Variants in ZBTB7C observed in about 807,000 individuals in gnomAD.
ZBTB7C encodes the protein zinc finger and BTB domain containing 7C.
In ZBTB7C, 8 loss-of-function variants were observed where a neutral mutation model predicts 25.7. The observed-to-expected ratio is 0.31, with a 90% CI of 0.18 to 0.56. ZBTB7C has a LOEUF of 0.56. ZBTB7C is among the 20% of genes least tolerant of loss of function. The pLI, the probability that ZBTB7C is intolerant of heterozygous loss-of-function variation, is 0.91. For synonymous variants in ZBTB7C, 394 were observed against 369.0 expected (o/e 1.07, Z -0.78); for missense variants, 824 against 855.2 (o/e 0.96, Z 0.46).
In ZBTB7C at chr18:48,040,593, G is replaced by C. The variant is rs377491621; in HGVS notation, c.515C>G (p.Ala172Gly). 3.5e-5 allele frequency: 56 copies of C among 1,613,800 alleles called. No homozygotes were observed. In the South Asian group the frequency reaches 5.6e-4, roughly 16 times the overall value. ...EDDDDDTEDF[A>G]DQENLPDPQD... ...GGGGTCAGGCAAGTTTTCTTGGTCA[G>C]CAAAGTCCTCCGTGTCATCATCGTC... is the stretch of plus-strand genomic sequence containing the variant. Residue 172 changes from alanine (A) to glycine (G), a missense_variant, in exon 4 of 5, where the codon GCT becomes GGT. Physicochemically the swap from Ala to Gly is moderately conservative, Grantham distance 60. Coordinates refer to ENST00000590800, the MANE Select transcript of ZBTB7C (RefSeq NM_001318841.2).
In ZBTB7C at chr18:48,164,457, TACTC is replaced by T. The variant is rs1182136794; in HGVS notation, c.-17+21473_-17+21476del. Among the ~76,000 whole-genome samples the T allele has an allele frequency of 5.9e-5, 9 of 152,298 alleles. No individual in the cohort carries two copies. In the South Asian group the frequency reaches 1.7e-3, roughly 28 times the overall value. ...ATACACACAGTCACAACACCACTCA[TACTC>T]ACACACATACATATGTATACACAAA... On this transcript the variant is annotated intron_variant, in intron 3 of 4. Coordinates refer to ENST00000590800, the MANE Select transcript of ZBTB7C (RefSeq NM_001318841.2).
intron 3 of ZBTB7C, among the ~76,000 whole-genome samples, chr18:48,176,760 T>A (rs1310830834): frequency 6.6e-6 from 1 of 152,260 alleles, no homozygotes; most frequent in Non-Finnish European, 1.5e-5. Context: ...CTCTGTAATT[T>A]AAAATTTTTC....
At chr18:48,097,903 AG>A (rs2038697791) in intron 3 of ZBTB7C, among the ~76,000 whole-genome samples, 1 of 151,740 alleles carries the variant, frequency 6.6e-6, no homozygotes. Flanking sequence ...TACTTACAAA[AG>A]CATCTTCACT....
intron 3 of ZBTB7C, among the ~76,000 whole-genome samples, chr18:48,080,748 C>T (rs1189523582): frequency 6.6e-6 from 1 of 152,194 alleles, no homozygotes; most frequent in Non-Finnish European, 1.5e-5. Context: ...CACAGTGAGG[C>T]CTGGGCAAGC....
intron 3 of ZBTB7C, 110 bp from the exon 4 acceptor site, chr18:48,041,233 GCAAGGCCAGTCCTCCTAC>G: frequency 7.0e-7 from 1 of 1,437,996 alleles, no homozygotes; most frequent in African/African-American, 1.4e-5. Flanking sequence ...CCTGTCCACT[GCAAGGCCAGTCCTCCTAC>G]CTCTTAGCCT....
intron 2 of ZBTB7C, among the ~76,000 whole-genome samples, chr18:48,269,597 C>T (rs1279709451): frequency 1.3e-5 from 2 of 152,194 alleles, no homozygotes; most frequent in South Asian, 2.1e-4. Flanking sequence ...GCTGATATAG[C>T]GTAGGCAGAT....
At chr18:48,351,342 A>G (rs2046858321) in intron 1 of ZBTB7C, among the ~76,000 whole-genome samples, 1 of 152,056 alleles carries the variant, frequency 6.6e-6, no homozygotes, top group Non-Finnish European at 1.5e-5. Flanking sequence ...AGTGGAGAGG[A>G]GGACAAAGCC....
chr18:48,045,098 GTGCTTAGGGA>G (rs1201500671), intron 3 of ZBTB7C, among the ~76,000 whole-genome samples: 1 of 152,228 alleles, frequency 6.6e-6, no homozygotes, highest in East Asian at 1.9e-4. Context: ...AGGTTCAGAG[GTGCTTAGGGA>G]TGCCTTTGTG....
intron 2 of ZBTB7C, among the ~76,000 whole-genome samples, chr18:48,206,774 G>A (rs2042585257): frequency 6.6e-6 from 1 of 152,154 alleles, no homozygotes; most frequent in South Asian, 2.1e-4. Flanking sequence ...GACACCCCTG[G>A]AGAATATATG....
chr18:48,191,408 C>T (rs1438689827), intron 2 of ZBTB7C, among the ~76,000 whole-genome samples: 4 of 152,196 alleles, frequency 2.6e-5, no homozygotes, highest in Admixed American at 1.3e-4. Context: ...GGCATAATAA[C>T]GCTACCTACA....
chr18:48,298,893 C>T (rs2045469799), intron 2 of ZBTB7C, among the ~76,000 whole-genome samples: 1 of 152,326 alleles, frequency 6.6e-6, no homozygotes, highest in African/African-American at 2.4e-5. Flanking sequence ...TGATCCAGGG[C>T]ATGTGTGCAT....
chr18:48,272,536 G>C (rs1361193701), intron 2 of ZBTB7C, among the ~76,000 whole-genome samples: 1 of 152,158 alleles, frequency 6.6e-6, no homozygotes, highest in African/African-American at 2.4e-5. Context: ...AATGCCTGCA[G>C]GTTACCACTT....
At chr18:48,373,289 C>A (rs959520978) in intron 1 of ZBTB7C, among the ~76,000 whole-genome samples, 2 of 151,598 alleles carry the variant, frequency 1.3e-5, no homozygotes, top group East Asian at 3.9e-4. Flanking sequence ...ACCTCCTGAC[C>A]CCTCTTGCTC....
rs2045041385 is a variant in ZBTB7C at position 48,286,070 on chromosome 18, G to A, written c.-79+52104C>T. Among the ~76,000 whole-genome samples, 5 of 152,202 alleles carry A rather than the reference G, an allele frequency of 3.3e-5. No homozygotes were observed. The South Asian group carries it at 1.0e-3, about 32-fold the overall frequency. ...CATTTTTTCAGGTCCCCATACATGT[G>A]AGGCCTTTGGCCTAAGCTCCCACTA... is the stretch of plus-strand genomic sequence containing the variant. On this transcript the variant is annotated intron_variant, in intron 2 of 4. Coordinates refer to ENST00000590800, the MANE Select transcript of ZBTB7C (RefSeq NM_001318841.2).
intron 2 of ZBTB7C, among the ~76,000 whole-genome samples, chr18:48,289,185 T>G (rs912652476): frequency 3.3e-5 from 5 of 152,168 alleles, no homozygotes; most frequent in Admixed American, 2.0e-4. Flanking sequence ...TGGAGAGTAA[T>G]TGGACAATAT....
At chr18:48,034,196 C>T (rs1237872965) in intron 4 of ZBTB7C, among the ~76,000 whole-genome samples, 2 of 152,174 alleles carry the variant, frequency 1.3e-5, no homozygotes, top group African/African-American at 2.4e-5. Context: ...GGCCTGTGTG[C>T]TCACTTACCC....
intron 1 of ZBTB7C, among the ~76,000 whole-genome samples, chr18:48,370,039 G>C (rs2047349691): frequency 6.6e-6 from 1 of 152,118 alleles, no homozygotes; most frequent in Non-Finnish European, 1.5e-5. Context: ...AAATTATACA[G>C]TGTGTTCTCA....
chr18:48,400,171 C>G (rs1289121316), intron 1 of ZBTB7C, among the ~76,000 whole-genome samples: 1 of 152,204 alleles, frequency 6.6e-6, no homozygotes, highest in Non-Finnish European at 1.5e-5. Context: ...TGAACACTGT[C>G]AGTTCTCAGA....
chr18:48,395,376 TG>T (rs1193970335), intron 1 of ZBTB7C, among the ~76,000 whole-genome samples: 4 of 25,872 alleles, frequency 1.5e-4, no homozygotes, highest in African/African-American at 4.6e-4. Context: ...TCTATTCAAA[TG>T]TGTGTGTGTG....
Sources: allele counts gnomAD v4.1 joint callset (sites outside exome capture counted in the v4.1 genomes callset), GRCh38; gene constraint gnomAD v4.1.1; transcripts MANE v1.5; gene names NCBI Gene and HGNC (gene_info 2026-07-23, HGNC 2026-07-21).